RSRC1: variants seen among roughly 807,000 people sequenced by gnomAD.
The protein encoded by RSRC1 is arginine and serine rich coiled-coil 1, also known as serine/Arginine-related protein 53.
In RSRC1, 39 loss-of-function variants were observed where a neutral mutation model predicts 49.1. That is an observed-to-expected ratio of 0.79 (90% confidence interval 0.61 to 1.04). The LOEUF is 1.04. Ranked by LOEUF, RSRC1 falls within the 50% of genes least tolerant of loss-of-function variation. RSRC1 has a pLI of 0.00. For missense variants in RSRC1, 388 were observed against 402.4 expected (o/e 0.96, Z 0.31); for synonymous variants, 143 against 130.8 (o/e 1.09, Z -0.63).
At chr3:158,192,234 T>C (rs1720289622) in intron 3 of RSRC1, among the ~76,000 whole-genome samples, 1 of 152,102 alleles carries the variant, frequency 6.6e-6, no homozygotes, top group Non-Finnish European at 1.5e-5. Flanking sequence ...TTTTAAAACT[T>C]ACTGCTTTCT....
chr3:158,448,343 G>A (rs1390811302), intron 6 of RSRC1, among the ~76,000 whole-genome samples: 1 of 151,620 alleles, frequency 6.6e-6, no homozygotes, highest in Non-Finnish European at 1.5e-5. Flanking sequence ...GTAGTACATG[G>A]CATCTTAATT....
chr3:158,414,837 A>C (rs79371225), intron 6 of RSRC1, among the ~76,000 whole-genome samples: 3 of 152,158 alleles, frequency 2.0e-5, no homozygotes, highest in Non-Finnish European at 4.4e-5. Flanking sequence ...TCAAGAAAAA[A>C]AATCTTTTTA....
At chr3:158,517,440 G>A (rs927147011) in intron 7 of RSRC1, among the ~76,000 whole-genome samples, 5 of 151,998 alleles carry the variant, frequency 3.3e-5, no homozygotes, top group Non-Finnish European at 7.4e-5. Flanking sequence ...GATCATTAAG[G>A]TATTGCTTTT....
intron 6 of RSRC1, among the ~76,000 whole-genome samples, chr3:158,383,019 G>C (rs920382706): frequency 2.6e-5 from 4 of 152,034 alleles, no homozygotes; most frequent in Non-Finnish European, 5.9e-5. Context: ...AGATTAATTA[G>C]AGTAAATTAT....
intron 5 of RSRC1, among the ~76,000 whole-genome samples, chr3:158,352,817 C>T (rs1205020076): frequency 1.3e-5 from 2 of 152,190 alleles, no homozygotes; most frequent in Non-Finnish European, 2.9e-5. Context: ...CAGTTCTCCA[C>T]ACTTCCCTGT....
chr3:158,258,588 C>G (rs1724707988), intron 4 of RSRC1, among the ~76,000 whole-genome samples: 1 of 152,084 alleles, frequency 6.6e-6, no homozygotes, highest in Admixed American at 6.5e-5. Context: ...GTGTCTTTCT[C>G]TAGGTTTGGG....
At chr3:158,162,442 A>G (rs1345115711) in intron 3 of RSRC1, among the ~76,000 whole-genome samples, 1 of 152,272 alleles carries the variant, frequency 6.6e-6, no homozygotes, top group East Asian at 1.9e-4. Context: ...TGTAATGATA[A>G]AGAATTAATA....
At chr3:158,275,863 A>G (rs1559972296) in intron 4 of RSRC1, 2 of 594,374 alleles carry the variant, frequency 3.4e-6, no homozygotes, top group East Asian at 3.8e-5. Flanking sequence ...CTGCCTGGCT[A>G]GAACCACTAA....
In RSRC1 at chr3:158,152,049, T is replaced by C. The variant is rs114594734; in HGVS notation, c.320+28058T>C. Among the ~76,000 whole-genome samples, 1,004 of 149,404 alleles carry C rather than the reference T, an allele frequency of 6.7e-3. 9 individuals carry two copies. Among genetic ancestry groups the C allele is most frequent in the African/African-American group, 0.024 (962 of 40,224 alleles). On this transcript the variant is annotated intron_variant, in intron 3 of 9. Transcript: ENST00000611884. ...TTGTATATTTAATTTTCTGTACTTA[T>C]AAAAATTAAAAATCATATCTTATGG...
chr3:158,402,947 T>A (rs185082563), intron 6 of RSRC1, among the ~76,000 whole-genome samples: 2 of 151,762 alleles, frequency 1.3e-5, no homozygotes, highest in East Asian at 3.9e-4. Context: ...TTTACAATAT[T>A]CAGCTGTTTG....
intron 6 of RSRC1, among the ~76,000 whole-genome samples, chr3:158,400,329 ATAATACT>A: frequency 6.6e-6 from 1 of 152,294 alleles, no homozygotes; most frequent in East Asian, 1.9e-4. Context: ...TAGACAGTAC[ATAATACT>A]TGATACTGAT....
chr3:158,254,015 GT>G (rs1446923495), intron 4 of RSRC1, among the ~76,000 whole-genome samples: 2 of 152,128 alleles, frequency 1.3e-5, no homozygotes, highest in East Asian at 1.9e-4. Flanking sequence ...AACGTGCAGT[GT>G]TTGGTTTTCT....
In RSRC1 at chr3:158,544,306, A is replaced by G. The variant is rs1713207206; in HGVS notation, c.*31A>G. ...ATACATATAGTTGGATTGGATTGTC[A>G]GCAGTAACATTGGAAATTTAGGTTT... On this transcript the variant is annotated 3_prime_UTR_variant, in exon 10 of 10. Transcript: ENST00000611884. 1 of 1,372,642 alleles carries G rather than the reference A, an allele frequency of 7.3e-7. No individual in the cohort carries two copies. The highest frequency in any genetic ancestry group is 1.0e-6 in the Non-Finnish European group (1 of 991,770). 85.0% of individuals were successfully genotyped at this position (1,372,642 alleles called of 1,614,324 possible).
chr3:158,183,384 G>A (rs1462094728), intron 3 of RSRC1, among the ~76,000 whole-genome samples: 3 of 151,828 alleles, frequency 2.0e-5, no homozygotes, highest in Non-Finnish European at 4.4e-5. Flanking sequence ...ATGGAAATGA[G>A]TGATTGTTTA....
At chr3:158,343,069 A>G (rs753371267) in intron 5 of RSRC1, among the ~76,000 whole-genome samples, 74 of 152,336 alleles carry the variant, frequency 4.9e-4, no homozygotes, top group Admixed American at 9.1e-4. Flanking sequence ...TTGAGTATTT[A>G]GCAGACTACT....
At chr3:158,306,633 C>G (rs983355842) in intron 5 of RSRC1, among the ~76,000 whole-genome samples, 2 of 151,500 alleles carry the variant, frequency 1.3e-5, no homozygotes, top group African/African-American at 4.8e-5. Flanking sequence ...CTCATAATTG[C>G]AAAAAACAAA....
intron 7 of RSRC1, among the ~76,000 whole-genome samples, chr3:158,470,295 T>C (rs1199134322): frequency 2.0e-5 from 3 of 149,516 alleles, no homozygotes; most frequent in Non-Finnish European, 4.4e-5. Flanking sequence ...TATGGAAAAT[T>C]AGCCTTGTTT....
intron 3 of RSRC1, 70 bp downstream of exon 3, chr3:158,124,061 C>A (rs1715457389): frequency 3.6e-6 from 4 of 1,111,274 alleles, no homozygotes; most frequent in African/African-American, 3.2e-5. Flanking sequence ...AAGCAACAAT[C>A]ATTTATTTTC....
chr3:158,423,644 T>C (rs1220629247), intron 6 of RSRC1, among the ~76,000 whole-genome samples: 1 of 152,146 alleles, frequency 6.6e-6, no homozygotes, highest in African/African-American at 2.4e-5. Context: ...GGGGATGGCA[T>C]TGAATCTGTA....
Sources: allele counts gnomAD v4.1 joint callset (sites outside exome capture counted in the v4.1 genomes callset), GRCh38; gene constraint gnomAD v4.1.1; transcripts MANE v1.5; gene names NCBI Gene and HGNC (gene_info 2026-07-23, HGNC 2026-07-21).